Variants in THSD4 observed in about 807,000 individuals in gnomAD.
THSD4 encodes the protein thrombospondin type-1 domain-containing protein 4.
Under a neutral mutation model 119.0 loss-of-function variants are expected in THSD4, and 69 were observed. The ratio of observed to expected loss-of-function variants is 0.58; its 90% confidence interval spans 0.48 to 0.71. The LOEUF (loss-of-function observed/expected upper bound fraction) is 0.71, where lower values mean the gene tolerates loss of function less well. Ranked by LOEUF, THSD4 falls within the 30% of genes least tolerant of loss-of-function variation. The pLI is 0.00. For synonymous variants in THSD4, 524 were observed against 540.4 expected (o/e 0.97, Z 0.42); for missense variants, 1,393 against 1,391.1 (o/e 1.00, Z -0.02).
At chr15:71,446,869 G>T (rs947892137) in intron 7 of THSD4, among the ~76,000 whole-genome samples, 2 of 152,120 alleles carry the variant, frequency 1.3e-5, no homozygotes, top group African/African-American at 4.8e-5. Context: ...CTCTTTAAGA[G>T]TCAGGGACAT....
Position 71,600,730 on chromosome 15 carries a change from C to CTT in THSD4, c.1153-59792_1153-59791dup, listed in dbSNP as rs774794883. ...GTTAATACCCTATTATCATGCCTGT[C>CTT]TTTTTTTTTCTTTCTTTCTTTTTTT... is the stretch of plus-strand genomic sequence containing the variant. On this transcript the variant is annotated intron_variant, in intron 7 of 17. Transcript: ENST00000261862. Among the ~76,000 whole-genome samples the CTT allele has an allele frequency of 8.3e-4, 123 of 147,606 alleles. 1 individual carries two copies. The highest frequency in any genetic ancestry group is 2.6e-3 in the African/African-American group (101 of 38,574).
intron 7 of THSD4, among the ~76,000 whole-genome samples, chr15:71,550,537 C>T (rs539826464): frequency 1.3e-3 from 194 of 152,276 alleles, no homozygotes; most frequent in African/African-American, 4.3e-3. Flanking sequence ...CCCGGGTTCA[C>T]GCCATTTTCC....
At chr15:71,698,635 GCATGTATATATACATGAAATATATA>G (rs1323257821) in intron 8 of THSD4, among the ~76,000 whole-genome samples, 1 of 148,568 alleles carries the variant, frequency 6.7e-6, no homozygotes, top group Non-Finnish European at 1.5e-5. Context: ...ATATATACAT[GCATGTATATATACATGAAATATATA>G]CATGCATGTA....
intron 7 of THSD4, among the ~76,000 whole-genome samples, chr15:71,463,519 G>C (rs1437690597): frequency 6.6e-6 from 1 of 152,054 alleles, no homozygotes; most frequent in African/African-American, 2.4e-5. Flanking sequence ...ATACATTCTG[G>C]GTCTCTGACA....
intron 3 of THSD4, among the ~76,000 whole-genome samples, chr15:71,209,293 G>T (rs536148809): frequency 3.3e-5 from 5 of 152,104 alleles, no homozygotes; most frequent in Non-Finnish European, 5.9e-5. Flanking sequence ...TAGCAGATTC[G>T]CATTCTTTTA....
chr15:71,343,625 C>T (rs2045611587), intron 6 of THSD4, among the ~76,000 whole-genome samples: 1 of 151,966 alleles, frequency 6.6e-6, no homozygotes, highest in Admixed American at 6.5e-5. Context: ...CTGTGTGTTT[C>T]TGTGACTGAA....
chr15:71,524,050 C>T (rs1351977757), intron 7 of THSD4, among the ~76,000 whole-genome samples: 2 of 152,180 alleles, frequency 1.3e-5, no homozygotes, highest in Non-Finnish European at 2.9e-5. Context: ...GACCATAGGC[C>T]TGCTTTATCT....
chr15:71,552,300 T>C (rs1835914062), intron 7 of THSD4, among the ~76,000 whole-genome samples: 1 of 152,252 alleles, frequency 6.6e-6, no homozygotes, highest in Non-Finnish European at 1.5e-5. Flanking sequence ...ATTTAGGTCA[T>C]CATTGCAGGA....
intron 3 of THSD4, among the ~76,000 whole-genome samples, chr15:71,197,670 C>T (rs943614780): frequency 6.6e-6 from 1 of 152,116 alleles, no homozygotes; most frequent in Non-Finnish European, 1.5e-5. Flanking sequence ...ACTCGGTGCT[C>T]CATGGGCTGT....
At chr15:71,427,525 A>G (rs1174059149) in intron 7 of THSD4, among the ~76,000 whole-genome samples, 1 of 150,820 alleles carries the variant, frequency 6.6e-6, no homozygotes, top group African/African-American at 2.4e-5. Context: ...GGAGTCCAGA[A>G]AACAGGTGAA....
intron 8 of THSD4, among the ~76,000 whole-genome samples, chr15:71,675,907 T>C (rs745923672): frequency 1.3e-5 from 2 of 152,178 alleles, no homozygotes; most frequent in Non-Finnish European, 2.9e-5. Context: ...AAGAAAGACA[T>C]GTTCCACTGA....
At chr15:71,309,969 C>T (rs1018724626) in intron 6 of THSD4, among the ~76,000 whole-genome samples, 1 of 152,156 alleles carries the variant, frequency 6.6e-6, no homozygotes, top group Non-Finnish European at 1.5e-5. Context: ...TGGCTCTCCA[C>T]CTGTATAGCT....
chr15:71,410,604 C>G (rs2046673645), intron 6 of THSD4, among the ~76,000 whole-genome samples: 5 of 152,172 alleles, frequency 3.3e-5, no homozygotes, highest in Admixed American at 3.3e-4. Flanking sequence ...TTATCCCTTG[C>G]TTAGGACTTT....
intron 3 of THSD4, among the ~76,000 whole-genome samples, 154 bp from the exon 4 acceptor site, chr15:71,214,881 A>T (rs1047986892): frequency 2.0e-5 from 3 of 152,188 alleles, no homozygotes; most frequent in Non-Finnish European, 4.4e-5. Flanking sequence ...TTCCTCCAAA[A>T]ACCGACTCTA....
chr15:71,573,838 A>ATTG (rs1285994410), intron 7 of THSD4, among the ~76,000 whole-genome samples: 1 of 152,162 alleles, frequency 6.6e-6, no homozygotes, highest in Non-Finnish European at 1.5e-5. Flanking sequence ...CTTAATACTA[A>ATTG]TTGTGTCGCT....
chr15:71,548,762 C>A (rs6494945), intron 7 of THSD4, among the ~76,000 whole-genome samples: 41,723 of 151,992 alleles, frequency 0.27, 6,124 homozygotes, highest in Middle Eastern at 0.44. Flanking sequence ...TGATTTTTTT[C>A]GTGTGTAGAG....
At chr15:71,757,817 A>G in intron 14 of THSD4, 85 bp from the exon 15 acceptor site, 1 of 1,556,102 alleles carries the variant, frequency 6.4e-7, no homozygotes, top group Non-Finnish European at 8.7e-7. Context: ...AAAATGAAGC[A>G]TTCCATCCTC....
At chr15:71,653,194 C>A (rs2051125783) in intron 7 of THSD4, among the ~76,000 whole-genome samples, 1 of 152,190 alleles carries the variant, frequency 6.6e-6, no homozygotes, top group South Asian at 2.1e-4. Context: ...GAAGCTAAGC[C>A]AAGAGGCAAT....
chr15:71,637,648 G>A (rs1234925116), intron 7 of THSD4, among the ~76,000 whole-genome samples: 1 of 152,170 alleles, frequency 6.6e-6, no homozygotes, highest in African/African-American at 2.4e-5. Flanking sequence ...GCCAGGGGCT[G>A]GGGGAGGTGG....
Sources: gnomAD v4.1 joint callset for allele counts (sites outside exome capture counted in the v4.1 genomes callset) on GRCh38, gnomAD v4.1.1 for gene constraint, MANE v1.5 for transcripts, NCBI Gene and HGNC (gene_info 2026-07-23, HGNC 2026-07-21) for gene names.